SLC25A14: variants seen among roughly 807,000 people sequenced by gnomAD.
SLC25A14 encodes brain mitochondrial carrier protein 1.
A neutral mutation model predicts 28.1 loss-of-function variants in SLC25A14; 8 were observed. The ratio of observed to expected loss-of-function variants is 0.28; its 90% CI spans 0.17 to 0.51. SLC25A14 has a LOEUF of 0.51. Among genes scored for constraint, SLC25A14 ranks in the 20% least tolerant of loss-of-function variants. The probability of loss-of-function intolerance (pLI) is 0.97; values close to 1 mark genes in which losing one functional copy is unlikely to be tolerated. For synonymous variants in SLC25A14, 74 were observed against 90.6 expected, an observed-to-expected ratio of 0.82 and a Z score of 1.04; for missense variants, 135 against 263.8, an observed-to-expected ratio of 0.51 and a Z score of 3.38.
At position 130,364,649 on chromosome X, in the gene SLC25A14, C is replaced by T; in HGVS notation, c.616C>T (p.Arg206Cys). 1 of 1,208,247 alleles carries T rather than the reference C, an allele frequency of 8.3e-7. No homozygotes were observed. Among genetic ancestry groups the T allele is most frequent in the Non-Finnish European group, 1.1e-6 (1 of 892,841 alleles). Residue 206 changes from arginine to cysteine, a missense_variant, in exon 8 of 11, where the codon CGT (arginine) becomes TGT (cysteine). Transcript: ENST00000545805. ...LWRGVVPTAQ[R>C]AAIVVGVELP... The stretch of plus-strand genomic sequence containing the variant: ...GTAGGGTGTGGTTCCAACTGCTCAG[C>T]GTGCTGCCATCGTTGTAGGAGTAGA...
At chrX:130,363,167 A>G (rs1187131570) in intron 7 of SLC25A14, among the ~76,000 whole-genome samples, 1 of 112,172 alleles carries the variant, frequency 8.9e-6, no homozygotes, top group Non-Finnish European at 1.9e-5. Context: ...TCATTACCAA[A>G]AAGAAACCCT....
At chrX:130,366,635 C>T (rs1341873771) in intron 9 of SLC25A14, among the ~76,000 whole-genome samples, 1 of 112,175 alleles carries the variant, frequency 8.9e-6, no homozygotes, top group Non-Finnish European at 1.9e-5. Context: ...TATTGGTGGC[C>T]AAGGGTTAGA....
chrX:130,368,927 C>T (rs2034194121), intron 9 of SLC25A14, among the ~76,000 whole-genome samples: 1 of 112,516 alleles, frequency 8.9e-6, no homozygotes, highest in African/African-American at 3.2e-5. Context: ...TTTGCTCACT[C>T]ATTTACTCAC....
intron 9 of SLC25A14, among the ~76,000 whole-genome samples, chrX:130,367,983 G>A (rs758657536): frequency 6.2e-5 from 7 of 112,250 alleles, no homozygotes; most frequent in South Asian, 3.7e-4. Context: ...GTTGCACCAT[G>A]TTGGTCAGGC....
Position 130,365,414 on chromosome X carries a change from A to G in SLC25A14, c.720-127A>G, listed in dbSNP as rs906138507. 187 of 1,051,061 alleles carry G rather than the reference A, an allele frequency of 1.8e-4. 1 individual carries two copies. In the African/African-American group the frequency reaches 3.0e-3, roughly 17 times the overall value. 86.6% of individuals were successfully genotyped at this position (1,051,061 alleles called of 1,213,427 possible). A position where few individuals can be genotyped will look rare whatever the true frequency, so the allele number is the denominator to read the frequency against. On this transcript the variant is annotated intron_variant, in intron 8 of 10. Coordinates refer to ENST00000545805, the MANE Select transcript of SLC25A14 (RefSeq NM_001282195.2). Reference sequence around the variant, plus strand: ...TTTCCTGTCTCTTTAGATTGTAACGAAAGGCCAAGTGCCAGGTTTTATCTG... The same window carrying G: ...TTTCCTGTCTCTTTAGATTGTAACGGAAGGCCAAGTGCCAGGTTTTATCTG...
intron 6 of SLC25A14, among the ~76,000 whole-genome samples, chrX:130,357,865 A>G (rs2033841266): frequency 8.9e-6 from 1 of 112,252 alleles, no homozygotes; most frequent in Admixed American, 9.5e-5. Flanking sequence ...GCAGAATATA[A>G]TATTATGCTT....
chrX:130,363,180 C>T (rs917684854), intron 7 of SLC25A14, among the ~76,000 whole-genome samples: 1 of 112,125 alleles, frequency 8.9e-6, no homozygotes. Flanking sequence ...GAAACCCTTA[C>T]CCTTTACCCA....
chrX:130,356,615 C>T (rs1235542359), intron 6 of SLC25A14, among the ~76,000 whole-genome samples: 2 of 111,193 alleles, frequency 1.8e-5, no homozygotes, highest in Non-Finnish European at 3.8e-5. Context: ...TGGGAAGTTT[C>T]AACCATTATT....
chrX:130,348,788 C>T (rs868127224), intron 4 of SLC25A14, among the ~76,000 whole-genome samples: 2 of 82,164 alleles, frequency 2.4e-5, no homozygotes, highest in African/African-American at 9.5e-5. Flanking sequence ...CTACCCCCCC[C>T]CCCCCTTTTT....
chrX:130,373,289 A>G lies in SLC25A14; in HGVS notation c.*339A>G, dbSNP rs778413333. ...CCAGACTTGGGCTAGAGCAGAAGGC[A>G]TAGGCCAGGGTGGTTATTGCTATAT... On this transcript the variant is annotated 3_prime_UTR_variant, in exon 11 of 11. Transcript: ENST00000545805. 17 of 208,353 alleles carry G rather than the reference A, an allele frequency of 8.2e-5. No homozygotes were observed. Among genetic ancestry groups the G allele is most frequent in the Non-Finnish European group, 1.2e-4 (14 of 118,069 alleles). The allele number at this position is 208,353 out of a possible 1,213,427, so 17.2% of individuals were successfully genotyped here.
At chrX:130,368,537 T>C (rs1030367651) in intron 9 of SLC25A14, among the ~76,000 whole-genome samples, 12 of 112,220 alleles carry the variant, frequency 1.1e-4, no homozygotes, top group Admixed American at 2.8e-4. Flanking sequence ...CAGGAAGTAA[T>C]GATAAATAGA....
chrX:130,370,702 A>G (rs977087671), intron 9 of SLC25A14, among the ~76,000 whole-genome samples: 4 of 111,335 alleles, frequency 3.6e-5, no homozygotes, highest in African/African-American at 9.8e-5. Flanking sequence ...CCAACTTTCT[A>G]TTTTCTTACC....
intron 9 of SLC25A14, among the ~76,000 whole-genome samples, chrX:130,368,406 A>G (rs1277635143): frequency 1.8e-5 from 2 of 112,114 alleles, no homozygotes; most frequent in Non-Finnish European, 3.8e-5. Context: ...CCACACACAC[A>G]CAAAAGAAAG....
At chrX:130,342,206 A>G (rs2033280905) in intron 2 of SLC25A14, among the ~76,000 whole-genome samples, 1 of 112,031 alleles carries the variant, frequency 8.9e-6, no homozygotes, top group African/African-American at 3.3e-5. Context: ...AGATTAAGAT[A>G]TAGAAGGGAT....
At position 130,367,459 on chromosome X, in the gene SLC25A14, A is replaced by C. The variant is rs144432873; in HGVS notation, c.855+1783A>C. Among the ~76,000 whole-genome samples, 964 of 111,776 alleles carry C rather than the reference A, an allele frequency of 8.6e-3. 9 individuals are homozygous for C. The highest frequency in any genetic ancestry group is 0.03 in the African/African-American group (936 of 30,703). ...GTTTTGGATACTCAGTTTGATGTGCATGAGGAAAATCCAGTGGATACATAT... is the reference window on the plus strand; with the variant it reads ...GTTTTGGATACTCAGTTTGATGTGCCTGAGGAAAATCCAGTGGATACATAT... On this transcript the variant is annotated intron_variant, in intron 9 of 10. Transcript: ENST00000545805.
chrX:130,342,793 G>C (rs2033300861), intron 2 of SLC25A14, among the ~76,000 whole-genome samples: 1 of 109,682 alleles, frequency 9.1e-6, no homozygotes, highest in South Asian at 3.9e-4. Flanking sequence ...ACAAATACAG[G>C]CTAGTTAGCC....
chrX:130,364,678 A>G lies in SLC25A14; in HGVS notation c.645A>G (p.Leu215=), dbSNP rs1380711236. The change falls in exon 8 of 11, where the codon CTA becomes CTG. Residue 215 remains leucine (L), a synonymous_variant. Coordinates refer to ENST00000545805, the MANE Select transcript of SLC25A14 (RefSeq NM_001282195.2). ...CTGCCATCGTTGTAGGAGTAGAGCTACCAGTCTATGATATTACTAAGAAGC... is the reference window on the plus strand; with the variant it reads ...CTGCCATCGTTGTAGGAGTAGAGCTGCCAGTCTATGATATTACTAAGAAGC... The part of the protein sequence containing the change: ...QRAAIVVGVE[L]PVYDITKKHL... The G allele has an allele frequency of 3.3e-6, 4 of 1,209,430 alleles. No homozygotes were observed. The highest frequency in any genetic ancestry group is 4.3e-5 in the Admixed American group (2 of 45,983).
chrX:130,353,888 C>CAAAATAG (rs1207766258), intron 6 of SLC25A14, among the ~76,000 whole-genome samples: 1 of 111,782 alleles, frequency 8.9e-6, no homozygotes, highest in Non-Finnish European at 1.9e-5. Context: ...CTTACTTAAC[C>CAAAATAG]TATTTTGACT....
intron 6 of SLC25A14, among the ~76,000 whole-genome samples, chrX:130,356,444 G>C (rs994751394): frequency 4.5e-5 from 5 of 109,937 alleles, no homozygotes; most frequent in Non-Finnish European, 9.5e-5. Flanking sequence ...GGCCAGGCTG[G>C]TTTCAAACTA....
Sources: gnomAD v4.1 joint callset for allele counts (sites outside exome capture counted in the v4.1 genomes callset) on GRCh38, gnomAD v4.1.1 for gene constraint, MANE v1.5 for transcripts, NCBI Gene and HGNC (gene_info 2026-07-23, HGNC 2026-07-21) for gene names.